PRKCE: variants seen among roughly 807,000 people sequenced by gnomAD.
PRKCE encodes the protein protein kinase C epsilon type.
Under a neutral mutation model 85.4 loss-of-function variants are expected in PRKCE, and 16 were observed. The ratio of observed to expected loss-of-function variants is 0.19; its 90% CI spans 0.13 to 0.28. PRKCE has a LOEUF of 0.28. PRKCE is among the 10% of genes least tolerant of loss of function. The pLI is 1.00. For synonymous variants in PRKCE, 388 were observed against 371.5 expected (o/e 1.04, Z -0.51); for missense variants, 573 against 975.2 (o/e 0.59, Z 5.49).
intron 10 of PRKCE, chr2:46,011,041 G>A: frequency 1.0e-6 from 1 of 975,546 alleles, no homozygotes; most frequent in Non-Finnish European, 1.3e-6. Context: ...ACCAGAAGGT[G>A]GCAGTAAAGA....
chr2:45,730,685 C>T (rs1482533887), intron 1 of PRKCE, among the ~76,000 whole-genome samples: 2 of 151,994 alleles, frequency 1.3e-5, no homozygotes, highest in African/African-American at 4.8e-5. Flanking sequence ...GTCTCAAACT[C>T]CTGGCCTTAA....
intron 1 of PRKCE, among the ~76,000 whole-genome samples, chr2:45,747,419 T>G (rs1683227118): frequency 6.6e-6 from 1 of 152,218 alleles, no homozygotes; most frequent in Non-Finnish European, 1.5e-5. Flanking sequence ...CTCTATGAAG[T>G]GCACTACTCT....
intron 1 of PRKCE, among the ~76,000 whole-genome samples, chr2:45,817,638 G>A (rs1689183328): frequency 6.6e-6 from 1 of 152,138 alleles, no homozygotes; most frequent in Non-Finnish European, 1.5e-5. Flanking sequence ...AGCTTGCAGT[G>A]AGCCGAGATC....
At position 45,821,243 on chromosome 2, in the gene PRKCE, T is replaced by C. The variant is rs566264175; in HGVS notation, c.349-21757T>C. Reference sequence around the variant, plus strand: ...ATATTATTTATGTCTAGAGTTACTTTACTCAACATTGAATATTTACAAGTG... The same window carrying C: ...ATATTATTTATGTCTAGAGTTACTTCACTCAACATTGAATATTTACAAGTG... On this transcript the variant is annotated intron_variant, in intron 1 of 14. Coordinates refer to ENST00000306156, the MANE Select transcript of PRKCE (RefSeq NM_005400.3). Among the ~76,000 whole-genome samples, 5 of 152,362 alleles carry C rather than the reference T, an allele frequency of 3.3e-5. No individual in the cohort carries two copies. The Middle Eastern group carries it at 0.014, about 415-fold the overall frequency.
At chr2:46,086,450 C>T (rs1483569747) in intron 11 of PRKCE, 88 bp downstream of exon 11, 14 of 1,445,148 alleles carry the variant, frequency 9.7e-6, no homozygotes, top group South Asian at 3.9e-5. Flanking sequence ...CCTGCCCACT[C>T]GTCTCTTAGC....
intron 6 of PRKCE, among the ~76,000 whole-genome samples, chr2:46,000,219 A>T (rs1482138036): frequency 3.3e-5 from 5 of 151,852 alleles, no homozygotes. Flanking sequence ...TACCGGGTAA[A>T]AGGAACTGTC....
intron 10 of PRKCE, among the ~76,000 whole-genome samples, chr2:46,046,925 A>G (rs1235831380): frequency 6.6e-6 from 1 of 152,146 alleles, no homozygotes; most frequent in Non-Finnish European, 1.5e-5. Flanking sequence ...ACTTTCATCT[A>G]CCAGTTCACA....
intron 10 of PRKCE, among the ~76,000 whole-genome samples, chr2:46,025,236 C>T (rs1707008837): frequency 6.6e-6 from 1 of 152,192 alleles, no homozygotes; most frequent in African/African-American, 2.4e-5. Context: ...GGCAGAGTAA[C>T]TGAACCCTGA....
At chr2:46,116,997 A>G (rs1672838764) in intron 11 of PRKCE, among the ~76,000 whole-genome samples, 1 of 152,246 alleles carries the variant, frequency 6.6e-6, no homozygotes, top group South Asian at 2.1e-4. Context: ...TCACAGAAGA[A>G]GGAACATGAC....
At chr2:46,070,346 A>G (rs1667970938) in intron 10 of PRKCE, among the ~76,000 whole-genome samples, 1 of 152,232 alleles carries the variant, frequency 6.6e-6, no homozygotes, top group Admixed American at 6.5e-5. Flanking sequence ...TGATGTATAA[A>G]AAAATGGCAT....
intron 1 of PRKCE, among the ~76,000 whole-genome samples, chr2:45,832,549 G>T (rs1203448955): frequency 1.3e-5 from 2 of 152,084 alleles, no homozygotes; most frequent in East Asian, 3.9e-4. Flanking sequence ...CTGACCTCGT[G>T]ATCCGCCCAC....
intron 2 of PRKCE, among the ~76,000 whole-genome samples, chr2:45,965,153 C>T (rs1701650416): frequency 6.6e-6 from 1 of 152,204 alleles, no homozygotes; most frequent in East Asian, 1.9e-4. Context: ...CGAATAATCT[C>T]TCTGAGGGAA....
chr2:45,923,456 G>A (rs995915767), intron 2 of PRKCE, among the ~76,000 whole-genome samples: 3 of 152,168 alleles, frequency 2.0e-5, no homozygotes, highest in African/African-American at 7.2e-5. Flanking sequence ...TGCCAAGTGC[G>A]GTCAATAGTA....
chr2:45,776,713 G>T (rs1235431645), intron 1 of PRKCE, among the ~76,000 whole-genome samples: 1 of 152,178 alleles, frequency 6.6e-6, no homozygotes, highest in Non-Finnish European at 1.5e-5. Context: ...CCTCCACCAT[G>T]ACACTCTGAT....
chr2:45,819,015 G>A (rs1418743111), intron 1 of PRKCE, among the ~76,000 whole-genome samples: 1 of 152,180 alleles, frequency 6.6e-6, no homozygotes, highest in Non-Finnish European at 1.5e-5. Flanking sequence ...GGGGCGTGGA[G>A]CCTCCTGAGA....
At chr2:46,124,373 C>G (rs1017724186) in intron 11 of PRKCE, among the ~76,000 whole-genome samples, 1 of 152,066 alleles carries the variant, frequency 6.6e-6, no homozygotes, top group African/African-American at 2.4e-5. Context: ...GACACTATTC[C>G]TATTTCTAAT....
At chr2:45,685,880 C>G (rs1677260179) in intron 1 of PRKCE, among the ~76,000 whole-genome samples, 1 of 152,144 alleles carries the variant, frequency 6.6e-6, no homozygotes, top group Non-Finnish European at 1.5e-5. Flanking sequence ...CCTGCTCTGG[C>G]AATTTAGTCA....
At position 45,889,591 on chromosome 2, in the gene PRKCE, C is replaced by G. The variant is rs1695564367; in HGVS notation, c.412+46528C>G. 2.0e-5 allele frequency among the ~76,000 whole-genome samples: 3 copies of G among 152,212 alleles called. No individual in the cohort carries two copies. In the South Asian group the frequency reaches 6.2e-4, roughly 32 times the overall value. ...GTGGGGTGGGGTGGGGTGGGGGAAG[C>G]CCTCAAATCTGAGTGTACACCTCTG... is the stretch of plus-strand genomic sequence containing the variant. On this transcript the variant is annotated intron_variant, in intron 2 of 14. Transcript: ENST00000306156.
chr2:46,061,859 C>CT (rs10695600), intron 10 of PRKCE, among the ~76,000 whole-genome samples: 16,675 of 107,700 alleles, frequency 0.15, 1,846 homozygotes, highest in East Asian at 0.3. Flanking sequence ...TTTTCTTTTT[C>CT]TTTTTTTTTT....
Sources: allele counts gnomAD v4.1 joint callset (sites outside exome capture counted in the v4.1 genomes callset), GRCh38; gene constraint gnomAD v4.1.1; transcripts MANE v1.5; gene names NCBI Gene and HGNC (gene_info 2026-07-23, HGNC 2026-07-21).